The following PTPRD variants were observed in gnomAD, a reference collection of about 807,000 sequenced individuals.
PTPRD encodes protein tyrosine phosphatase receptor type D.
PTPRD carries 34 observed loss-of-function variants against 214.5 expected under a neutral mutation model. The observed-to-expected ratio is 0.16, with a 90% CI of 0.12 to 0.21. The LOEUF (loss-of-function observed/expected upper bound fraction) is 0.21, where lower values mean the gene tolerates loss of function less well. PTPRD is among the 10% of genes least tolerant of loss of function. The pLI is 1.00. For synonymous variants in PTPRD, 1,128 were observed against 845.7 expected, an observed-to-expected ratio of 1.33 and a Z score of -5.79; for missense variants, 2,545 against 2,398.7, an observed-to-expected ratio of 1.06 and a Z score of -1.27.
chr9:8,333,205 T>G (rs913443337), intron 43 of PTPRD, among the ~76,000 whole-genome samples: 3 of 152,196 alleles, frequency 2.0e-5, no homozygotes, highest in African/African-American at 4.8e-5. Flanking sequence ...AAGCATGATT[T>G]ACTTCCCTCT....
chr9:9,831,796 G>T (rs190770021), intron 5 of PTPRD, among the ~76,000 whole-genome samples: 2 of 152,068 alleles, frequency 1.3e-5, no homozygotes, highest in Admixed American at 6.6e-5. Context: ...TTTCACCAAG[G>T]TGGAGGGATG....
chr9:10,589,924 A>T (rs2075006328), intron 2 of PTPRD, among the ~76,000 whole-genome samples: 1 of 152,098 alleles, frequency 6.6e-6, no homozygotes, highest in South Asian at 2.1e-4. Context: ...TTTAAAAACA[A>T]ATTTAATTTG....
chr9:8,481,849 C>G (rs967065622), intron 30 of PTPRD, among the ~76,000 whole-genome samples: 2 of 152,172 alleles, frequency 1.3e-5, no homozygotes, highest in East Asian at 3.9e-4. Context: ...GTGGCACAAT[C>G]TTGACTCACT....
intron 11 of PTPRD, among the ~76,000 whole-genome samples, chr9:8,764,577 C>G (rs1334238955): frequency 6.6e-6 from 1 of 152,022 alleles, no homozygotes; most frequent in Admixed American, 6.6e-5. Flanking sequence ...GTGGGTGGAT[C>G]ACAAGGTCAG....
At chr9:9,712,365 A>AG (rs5896348) in intron 7 of PTPRD, among the ~76,000 whole-genome samples, 9,835 of 152,222 alleles carry the variant, frequency 0.065, 708 homozygotes, top group East Asian at 0.36. Context: ...GACAAATCTG[A>AG]ATAGGAACAT....
chr9:10,110,604 A>AGAGAT (rs141259624), intron 3 of PTPRD, among the ~76,000 whole-genome samples: 8,720 of 152,290 alleles, frequency 0.057, 330 homozygotes, highest in Admixed American at 0.1. Context: ...ATGGAGGAAA[A>AGAGAT]GAGCAATTTT....
intron 8 of PTPRD, among the ~76,000 whole-genome samples, chr9:9,550,861 A>C (rs1431046168): frequency 6.6e-6 from 1 of 151,992 alleles, no homozygotes; most frequent in Non-Finnish European, 1.5e-5. Context: ...CAATATCATT[A>C]GCCATCAATG....
intron 31 of PTPRD, among the ~76,000 whole-genome samples, chr9:8,468,637 G>C (rs543365350): frequency 1.3e-5 from 2 of 151,802 alleles, no homozygotes; most frequent in East Asian, 2.0e-4. Context: ...ATCCCCTTAG[G>C]CCACCATTCT....
intron 3 of PTPRD, among the ~76,000 whole-genome samples, chr9:10,170,064 G>C (rs2099191066): frequency 6.6e-6 from 1 of 152,142 alleles, no homozygotes; most frequent in Non-Finnish European, 1.5e-5. Context: ...ACAGAAAACA[G>C]AAGGGACTTT....
chr9:8,532,102 C>G (rs1267271595), intron 14 of PTPRD, among the ~76,000 whole-genome samples: 1 of 151,988 alleles, frequency 6.6e-6, no homozygotes, highest in Non-Finnish European at 1.5e-5. Flanking sequence ...TTCTATCCAT[C>G]CCCCTTTGCA....
chr9:9,199,448 A>G (rs560701816), intron 9 of PTPRD, among the ~76,000 whole-genome samples: 3 of 152,294 alleles, frequency 2.0e-5, no homozygotes, highest in African/African-American at 7.2e-5. Context: ...AGTCTGTAAA[A>G]TGCATCTCTA....
intron 8 of PTPRD, among the ~76,000 whole-genome samples, chr9:9,434,486 A>G (rs62532954): frequency 6.6e-6 from 1 of 152,010 alleles, no homozygotes; most frequent in Non-Finnish European, 1.5e-5. Flanking sequence ...TATGCCAATG[A>G]CAATACCAAC....
At position 9,443,938 on chromosome 9, in the gene PTPRD, A is replaced by G. The variant is rs750923930; in HGVS notation, c.-236-46456T>C. Among the ~76,000 whole-genome samples, 25 of 152,226 alleles carry G rather than the reference A, an allele frequency of 1.6e-4. 1 individual carries two copies. Among genetic ancestry groups the G allele is most frequent in the Non-Finnish European group, 3.2e-4 (22 of 68,044 alleles). ...TATATTCATTCATGTTTTTGAATGCATAGGGACTTTTTTGTCTACTATACA... is the reference window on the plus strand; with the variant it reads ...TATATTCATTCATGTTTTTGAATGCGTAGGGACTTTTTTGTCTACTATACA... On this transcript the variant is annotated intron_variant, in intron 8 of 45. Coordinates refer to ENST00000381196, the MANE Select transcript of PTPRD (RefSeq NM_002839.4).
intron 9 of PTPRD, among the ~76,000 whole-genome samples, chr9:9,260,841 G>C (rs1271344806): frequency 1.3e-5 from 2 of 151,804 alleles, no homozygotes; most frequent in Non-Finnish European, 2.9e-5. Flanking sequence ...TACAAGGCAT[G>C]ACAATCATAA....
At chr9:9,155,760 C>T (rs1199504083) in intron 10 of PTPRD, among the ~76,000 whole-genome samples, 6 of 152,154 alleles carry the variant, frequency 3.9e-5, no homozygotes, top group African/African-American at 1.4e-4. Flanking sequence ...TAAGAGGTAA[C>T]ACTGCAGTCC....
intron 10 of PTPRD, among the ~76,000 whole-genome samples, chr9:9,043,762 G>T (rs1254749862): frequency 3.3e-5 from 5 of 151,978 alleles, no homozygotes; most frequent in Non-Finnish European, 5.9e-5. Flanking sequence ...AAATTAGCTG[G>T]AGGTGGTGGT....
intron 3 of PTPRD, among the ~76,000 whole-genome samples, chr9:10,051,359 C>T (rs1480515330): frequency 2.0e-5 from 3 of 152,106 alleles, no homozygotes; most frequent in Non-Finnish European, 4.4e-5. Flanking sequence ...GCAGCTAGCA[C>T]ATTTTAATTC....
At chr9:9,928,853 G>GA (rs2085320041) in intron 5 of PTPRD, among the ~76,000 whole-genome samples, 1 of 150,916 alleles carries the variant, frequency 6.6e-6, no homozygotes, top group Non-Finnish European at 1.5e-5. Flanking sequence ...TTGATGCTTT[G>GA]GTAAGCTATT....
chr9:10,015,691 C>G (rs574856265), intron 4 of PTPRD, among the ~76,000 whole-genome samples: 3 of 151,942 alleles, frequency 2.0e-5, no homozygotes, highest in Non-Finnish European at 4.4e-5. Context: ...AGAAAAAGAA[C>G]GAGAAGGAAG....
Sources: gnomAD v4.1 joint callset for allele counts (sites outside exome capture counted in the v4.1 genomes callset) on GRCh38, gnomAD v4.1.1 for gene constraint, MANE v1.5 for transcripts, NCBI Gene and HGNC (gene_info 2026-07-23, HGNC 2026-07-21) for gene names.